WDR93: variants seen among roughly 807,000 people sequenced by gnomAD.
WDR93 encodes WD repeat-containing protein 93.
Under a neutral mutation model 82.9 loss-of-function variants are expected in WDR93, and 73 were observed. The observed-to-expected ratio is 0.88, with a 90% confidence interval of 0.73 to 1.07. The LOEUF (loss-of-function observed/expected upper bound fraction) is 1.07. Among genes scored for constraint, WDR93 ranks in the 50% least tolerant of loss-of-function variants. The pLI is 0.00. For synonymous variants in WDR93, 283 were observed against 300.1 expected (o/e 0.94, Z 0.59); for missense variants, 738 against 826.0 (o/e 0.89, Z 1.31).
Position 89,733,222 on chromosome 15 carries a change from C to A in WDR93, c.1544+3C>A. 6.2e-7 allele frequency: 1 copy of A among 1,611,710 alleles called. No individual in the cohort carries two copies. The highest frequency in any genetic ancestry group is 1.1e-5 in the South Asian group (1 of 90,914). On this transcript the variant is annotated splice_donor_region_variant and intron_variant, in intron 13 of 16. Coordinates refer to ENST00000268130, the MANE Select transcript of WDR93 (RefSeq NM_020212.2). Reference sequence around the variant, plus strand: ...ACCATCAGTGTGCTTGTTGAGAGGTCAGTAGCTTGAGGGTGGGACGGGGTA... The same window carrying A: ...ACCATCAGTGTGCTTGTTGAGAGGTAAGTAGCTTGAGGGTGGGACGGGGTA...
At chr15:89,717,947 C>T (rs200076484) in intron 7 of WDR93, among the ~76,000 whole-genome samples, 3 of 152,302 alleles carry the variant, frequency 2.0e-5, no homozygotes, top group East Asian at 3.9e-4. Context: ...ACCATGTCTT[C>T]AGAAAGCATG....
intron 9 of WDR93, 66 bp from the exon 10 acceptor site, chr15:89,728,957 C>A: frequency 7.0e-7 from 1 of 1,423,158 alleles, no homozygotes; most frequent in Non-Finnish European, 9.9e-7. Context: ...AGGACCAAGA[C>A]TCTGCCAGCA....
chr15:89,726,760 G>A (rs1966752466), intron 8 of WDR93, among the ~76,000 whole-genome samples: 10 of 152,228 alleles, frequency 6.6e-5, no homozygotes. Flanking sequence ...AGCAGTGGCT[G>A]AAAAGTGATG....
intron 16 of WDR93, among the ~76,000 whole-genome samples, chr15:89,741,440 C>A (rs115586829): frequency 0.012 from 1,808 of 152,250 alleles, 39 homozygotes; most frequent in African/African-American, 0.042. Flanking sequence ...GTTGCCCAGG[C>A]TGGTCTTGAA....
intron 1 of WDR93, among the ~76,000 whole-genome samples, chr15:89,694,722 T>C (rs1427942439): frequency 1.3e-5 from 2 of 152,230 alleles, no homozygotes; most frequent in Non-Finnish European, 2.9e-5. Flanking sequence ...GTTTGTTCTT[T>C]TTAGGTTATA....
chr15:89,713,186 G>C (rs1966080786), intron 5 of WDR93, among the ~76,000 whole-genome samples: 1 of 149,664 alleles, frequency 6.7e-6, no homozygotes, highest in Non-Finnish European at 1.5e-5. Context: ...AAGAATTTTT[G>C]GACATGTGTT....
At chr15:89,723,391 A>C in intron 8 of WDR93, among the ~76,000 whole-genome samples, 1 of 152,046 alleles carries the variant, frequency 6.6e-6, no homozygotes, top group Non-Finnish European at 1.5e-5. Flanking sequence ...GTAGTGAGCT[A>C]TGATCACACC....
rs1965266652 is a variant in WDR93 at position 89,697,945 on chromosome 15, T to G, written c.-40-3762T>G. 3.3e-5 allele frequency among the ~76,000 whole-genome samples: 5 copies of G among 150,482 alleles called. No individual in the cohort carries two copies. In the South Asian group the frequency reaches 1.1e-3, roughly 32 times the overall value. ...CCCAGGCTGGAGTGCAGTGGTGCAA[T>G]CTCGGCTCACTGCAAGCTCCGCCTC... On this transcript the variant is annotated intron_variant, in intron 1 of 16. Coordinates refer to ENST00000268130, the MANE Select transcript of WDR93 (RefSeq NM_020212.2).
In WDR93 at chr15:89,743,302, C is replaced by T. The variant is rs759981839; in HGVS notation, c.1972C>T (p.Leu658=). The T allele has an allele frequency of 6.2e-7, 1 of 1,614,170 alleles. No homozygotes were observed. The highest frequency in any genetic ancestry group is 1.1e-5 in the South Asian group (1 of 91,080). ...TTGTGTGGCCCTCAGCTATCGGAAG[C>T]TGGAGAAGAACCCAGAGAAGGAGGA... ...ERFLQKSYRK[L]EKNPEKEEEH... is the part of the protein sequence containing the mutation. The change falls in exon 17 of 17, where the codon CTG becomes TTG. Residue 658 remains leucine (L), a synonymous_variant. Transcript: ENST00000268130.
chr15:89,697,109 C>A (rs1177435926), intron 1 of WDR93, among the ~76,000 whole-genome samples: 1 of 152,054 alleles, frequency 6.6e-6, no homozygotes, highest in Non-Finnish European at 1.5e-5. Context: ...GTGCACGCCA[C>A]CCCCACCCCA....
chr15:89,710,456 G>C (rs1044781373), intron 4 of WDR93, among the ~76,000 whole-genome samples: 4 of 152,164 alleles, frequency 2.6e-5, no homozygotes, highest in Non-Finnish European at 4.4e-5. Context: ...ACAGGCATAC[G>C]GTAACTTTCT....
At chr15:89,718,618 C>T (rs964989556) in intron 7 of WDR93, among the ~76,000 whole-genome samples, 47 of 152,182 alleles carry the variant, frequency 3.1e-4, no homozygotes, top group African/African-American at 1.0e-3. Context: ...CAGAGCAAGA[C>T]CCTGTCTCAC....
At position 89,729,067 on chromosome 15, in the gene WDR93, T is replaced by C; in HGVS notation, c.1097T>C (p.Met366Thr). ...CTTCTTCCTAGCTGCCTATTTGCAATGCCACCGGAAGTCAAGGGCCCCTCA... is the reference window on the plus strand; with the variant it reads ...CTTCTTCCTAGCTGCCTATTTGCAACGCCACCGGAAGTCAAGGGCCCCTCA... Reference protein sequence around the residue: ...YFLLPSCLFAMPPEVKGPSGM... With the variant: ...YFLLPSCLFATPPEVKGPSGM... Residue 366 changes from methionine to threonine, a missense_variant, in exon 10 of 17, where the codon ATG becomes ACG. Transcript: ENST00000268130. 6.2e-7 allele frequency: 1 copy of C among 1,614,130 alleles called. No homozygotes were observed. Among genetic ancestry groups the C allele is most frequent in the Non-Finnish European group, 8.5e-7 (1 of 1,180,012 alleles).
intron 1 of WDR93, among the ~76,000 whole-genome samples, chr15:89,699,354 A>C (rs930217490): frequency 6.6e-6 from 1 of 151,830 alleles, no homozygotes; most frequent in Non-Finnish European, 1.5e-5. Flanking sequence ...ACTGTTTCTC[A>C]CTTGCATGGT....
Position 89,715,081 on chromosome 15 carries a change from A to G in WDR93, c.742A>G (p.Arg248Gly), listed in dbSNP as rs936753216. Reference protein sequence around the residue: ...QLTSNPKKKVRQPQLNSLGPI... With the variant: ...QLTSNPKKKVGQPQLNSLGPI... ...CACTTCAAATCCAAAGAAAAAAGTC[A>G]GACAGCCGCAACTGGTAGGAAATAT... Residue 248 changes from arginine (R) to glycine (G), a missense_variant, in exon 6 of 17, where the codon AGA becomes GGA. Coordinates refer to ENST00000268130, the MANE Select transcript of WDR93 (RefSeq NM_020212.2). 6.2e-7 allele frequency: 1 copy of G among 1,613,786 alleles called. No homozygotes were observed. The highest frequency in any genetic ancestry group is 8.5e-7 in the Non-Finnish European group (1 of 1,179,894).
intron 1 of WDR93, among the ~76,000 whole-genome samples, chr15:89,698,126 C>T (rs998571946): frequency 9.9e-5 from 15 of 151,914 alleles, no homozygotes; most frequent in South Asian, 4.2e-4. Context: ...CCTCGTGATC[C>T]GCCCGTCTCA....
In WDR93 at chr15:89,722,063, T is replaced by C. The variant is rs1292976088; in HGVS notation, c.804T>C (p.Asn268=). ...CCTTTTCCTTGTTTTAGGATGCAAA[T>C]GTTAGTTTTAAAGGAGACATTAAAT... ...ISADPLEMDA[N]VSFKGDIKLS... is the part of the protein sequence containing the mutation. The change falls in exon 8 of 17, where the codon AAT becomes AAC. Residue 268 remains asparagine (N), a synonymous_variant. Coordinates refer to ENST00000268130, the MANE Select transcript of WDR93 (RefSeq NM_020212.2). 3.7e-6 allele frequency: 6 copies of C among 1,602,896 alleles called. No individual in the cohort carries two copies. Among genetic ancestry groups the C allele is most frequent in the African/African-American group, 1.3e-5 (1 of 74,532 alleles).
intron 8 of WDR93, among the ~76,000 whole-genome samples, chr15:89,723,058 A>G (rs1473602996): frequency 6.6e-6 from 1 of 151,866 alleles, no homozygotes; most frequent in East Asian, 1.9e-4. Flanking sequence ...TACAAAAATT[A>G]GGCAGAGTGG....
intron 4 of WDR93, among the ~76,000 whole-genome samples, chr15:89,708,632 A>AC (rs1965826673): frequency 6.6e-6 from 1 of 152,204 alleles, no homozygotes; most frequent in Non-Finnish European, 1.5e-5. Context: ...AAAGGACATC[A>AC]AGGAGGTGTA....
Sources: allele counts gnomAD v4.1 joint callset (sites outside exome capture counted in the v4.1 genomes callset), GRCh38; gene constraint gnomAD v4.1.1; transcripts MANE v1.5; gene names NCBI Gene and HGNC (gene_info 2026-07-23, HGNC 2026-07-21).